Variants in IGFBP2 observed in about 807,000 individuals in gnomAD.
IGFBP2 encodes insulin-like growth factor-binding protein 2.
A neutral mutation model predicts 26.2 loss-of-function variants in IGFBP2; 12 were observed. The observed-to-expected ratio is 0.46, with a 90% CI of 0.29 to 0.74. The LOEUF (loss-of-function observed/expected upper bound fraction) is 0.74, where lower values mean the gene tolerates loss of function less well. Ranked by LOEUF, IGFBP2 falls within the 30% of genes least tolerant of loss-of-function variation. IGFBP2 has a pLI of 0.09. For missense variants in IGFBP2, 328 were observed against 441.2 expected (o/e 0.74, Z 2.30); for synonymous variants, 189 against 200.6 (o/e 0.94, Z 0.49).
Position 216,660,623 on chromosome 2 carries a change from T to G in IGFBP2, c.509T>G (p.Leu170Trp). Reference sequence around the variant, plus strand: ...CACGTGGACAGCACCATGAACATGTTGGGCGGGGGAGGCAGTGCTGGCCGG... The same window carrying G: ...CACGTGGACAGCACCATGAACATGTGGGGCGGGGGAGGCAGTGCTGGCCGG... Reference protein sequence around the residue: ...ENHVDSTMNMLGGGGSAGRKP... With the variant: ...ENHVDSTMNMWGGGGSAGRKP... Residue 170 changes from leucine (L) to tryptophan (W), a missense_variant, in exon 2 of 4, where the codon TTG becomes TGG. Coordinates refer to ENST00000233809, the MANE Select transcript of IGFBP2 (RefSeq NM_000597.3). The G allele has an allele frequency of 6.2e-7, 1 of 1,613,918 alleles. No individual in the cohort carries two copies. Among genetic ancestry groups the G allele is most frequent in the Non-Finnish European group, 8.5e-7 (1 of 1,179,992 alleles).
In IGFBP2 at chr2:216,633,733, C is replaced by T. The variant is rs917128142; in HGVS notation, c.210C>T (p.Gly70=). The change falls in exon 1 of 4, where the codon GGC becomes GGT. Residue 70 remains glycine (G), a synonymous_variant. Coordinates refer to ENST00000233809, the MANE Select transcript of IGFBP2 (RefSeq NM_000597.3). ...CCGCGGTGGCCGCAGTGGCCGGAGGCGCCCGCATGCCATGCGCGGAGCTCG... is the reference window on the plus strand; with the variant it reads ...CCGCGGTGGCCGCAGTGGCCGGAGGTGCCCGCATGCCATGCGCGGAGCTCG... ...PPAAVAAVAG[G]ARMPCAELVR... is the part of the protein sequence containing the mutation. The T allele has an allele frequency of 4.8e-6, 6 of 1,251,588 alleles. No homozygotes were observed. Among genetic ancestry groups the T allele is most frequent in the South Asian group, 3.1e-5 (1 of 32,212 alleles). 77.5% of individuals were successfully genotyped at this position (1,251,588 alleles called of 1,614,324 possible).
At chr2:216,638,232 C>T (rs938707102) in intron 1 of IGFBP2, among the ~76,000 whole-genome samples, 6 of 151,516 alleles carry the variant, frequency 4.0e-5, no homozygotes, top group East Asian at 1.9e-4. Flanking sequence ...TGGCCAGGCG[C>T]GGTGGCTCAC....
chr2:216,639,944 A>G (rs1182334231), intron 1 of IGFBP2, among the ~76,000 whole-genome samples: 4 of 152,140 alleles, frequency 2.6e-5, no homozygotes, highest in East Asian at 1.9e-4. Context: ...CACCTGGCCT[A>G]TTTTAATTTT....
intron 1 of IGFBP2, among the ~76,000 whole-genome samples, chr2:216,636,611 C>G (rs1295128449): frequency 1.3e-5 from 2 of 151,982 alleles, no homozygotes; most frequent in Non-Finnish European, 2.9e-5. Flanking sequence ...GAAAGGAGAC[C>G]CTGAGATCTG....
chr2:216,662,487 TGAA>T (rs1385908201), intron 3 of IGFBP2: 1 of 162,288 alleles, frequency 6.2e-6, no homozygotes, highest in Non-Finnish European at 1.4e-5. Flanking sequence ...TCTCAGGGAA[TGAA>T]GAGTCAGGCA....
At chr2:216,639,317 T>A (rs1311984184) in intron 1 of IGFBP2, among the ~76,000 whole-genome samples, 1 of 152,164 alleles carries the variant, frequency 6.6e-6, no homozygotes, top group African/African-American at 2.4e-5. Flanking sequence ...ATTACAGGCA[T>A]GAGCTACCGC....
rs551133952 is a variant in IGFBP2, at chr2:216,647,644, T to C, written c.443-12913T>C. Among the ~76,000 whole-genome samples the C allele has an allele frequency of 4.5e-3, 691 of 152,166 alleles. 1 individual carries two copies. The highest frequency in any genetic ancestry group is 5.1e-3 in the Non-Finnish European group (348 of 67,982). On this transcript the variant is annotated intron_variant, in intron 1 of 3. Coordinates refer to ENST00000233809, the MANE Select transcript of IGFBP2 (RefSeq NM_000597.3). ...GCACCATTCTCCTGCCTCAGCCTCC[T>C]GAGTAGCTGGGACTACAGGCGCCCA...
chr2:216,647,908 C>T (rs774908369), intron 1 of IGFBP2, among the ~76,000 whole-genome samples: 1 of 152,190 alleles, frequency 6.6e-6, no homozygotes, highest in East Asian at 1.9e-4. Flanking sequence ...GCAACCTCCA[C>T]CTCCCGGGCT....
At chr2:216,663,229 G>A (rs2106209051) in intron 3 of IGFBP2, 1 of 152,292 alleles carries the variant, frequency 6.6e-6, no homozygotes, top group Admixed American at 6.5e-5. Flanking sequence ...AAAAAGTCTC[G>A]ATCACTTCTC....
chr2:216,633,186 C>T (rs1697412315), upstream of IGFBP2, among the ~76,000 whole-genome samples: 1 of 152,176 alleles, frequency 6.6e-6, no homozygotes, highest in Non-Finnish European at 1.5e-5. Flanking sequence ...TCCGTATTCT[C>T]CTTCAGGAGT....
chr2:216,659,705 G>A, intron 1 of IGFBP2: 1 of 1,534,878 alleles, frequency 6.5e-7, no homozygotes, highest in East Asian at 2.4e-5. Context: ...GAGACTTAAT[G>A]GACGCTTGTT....
intron 1 of IGFBP2, among the ~76,000 whole-genome samples, chr2:216,634,725 GATCGA>G (rs1257748509): frequency 6.6e-6 from 1 of 152,116 alleles, no homozygotes; most frequent in Non-Finnish European, 1.5e-5. Flanking sequence ...CTGGGCCCCA[GATCGA>G]AAGGCAGGAG....
At chr2:216,661,545 G>A (rs1688647832) in intron 2 of IGFBP2, 1 of 440,470 alleles carries the variant, frequency 2.3e-6, no homozygotes, top group Non-Finnish European at 4.2e-6. Flanking sequence ...GGGGCATGGA[G>A]ACTCGAGACG....
At chr2:216,651,808 G>A (rs542311590) in intron 1 of IGFBP2, among the ~76,000 whole-genome samples, 3 of 152,322 alleles carry the variant, frequency 2.0e-5, no homozygotes, top group African/African-American at 4.8e-5. Flanking sequence ...AGGCTGGAGT[G>A]TAGTGGTGTA....
At chr2:216,640,334 T>C (rs1184398013) in intron 1 of IGFBP2, among the ~76,000 whole-genome samples, 1 of 152,146 alleles carries the variant, frequency 6.6e-6, no homozygotes, top group Non-Finnish European at 1.5e-5. Flanking sequence ...TGGGATTCTC[T>C]CCTATAAGAG....
At chr2:216,636,929 G>GGCAGGCA (rs1574552372) in intron 1 of IGFBP2, among the ~76,000 whole-genome samples, 1,584 of 11,162 alleles carry the variant, frequency 0.14, 29 homozygotes, top group Admixed American at 0.34. Flanking sequence ...GCAGGCAGGC[G>GGCAGGCA]GGCGGGCGGG....
intron 1 of IGFBP2, among the ~76,000 whole-genome samples, chr2:216,648,825 T>C (rs1574560447): frequency 6.6e-6 from 1 of 152,108 alleles, no homozygotes; most frequent in South Asian, 2.1e-4. Context: ...GCCAGGCTGG[T>C]CTCGAACTCC....
At chr2:216,662,457 G>A (rs1426292065) in intron 3 of IGFBP2, 1 of 167,792 alleles carries the variant, frequency 6.0e-6, no homozygotes, top group Non-Finnish European at 1.3e-5. Flanking sequence ...TGGCCGAGTT[G>A]TCTTCATGGT....
rs1026585838 is a variant in IGFBP2 at position 216,660,550 on chromosome 2, T to G, written c.443-7T>G. The stretch of plus-strand genomic sequence containing the variant: ...CTGGAGCTTTTCTTCCCTTCCTCTC[T>G]TGGCAGACAATGGCGATGACCACTC... On this transcript the variant is annotated splice_polypyrimidine_tract_variant and splice_region_variant and intron_variant, in intron 1 of 3. Coordinates refer to ENST00000233809, the MANE Select transcript of IGFBP2 (RefSeq NM_000597.3). 3.8e-6 allele frequency: 6 copies of G among 1,589,762 alleles called. No individual in the cohort carries two copies. The highest frequency in any genetic ancestry group is 3.4e-5 in the Admixed American group (2 of 58,138).
Sources: allele counts gnomAD v4.1 joint callset (sites outside exome capture counted in the v4.1 genomes callset), GRCh38; gene constraint gnomAD v4.1.1; transcripts MANE v1.5; gene names NCBI Gene and HGNC (gene_info 2026-07-23, HGNC 2026-07-21).